Variants in LIFR observed in about 807,000 individuals in gnomAD.
LIFR encodes LIF receptor subunit alpha, also known as leukemia inhibitory factor receptor.
Under a neutral mutation model 122.2 loss-of-function variants are expected in LIFR, and 84 were observed. The observed-to-expected ratio is 0.69, with a 90% CI of 0.58 to 0.82. The LOEUF is 0.82. Among genes scored for constraint, LIFR ranks in the 40% least tolerant of loss-of-function variants. LIFR has a pLI of 0.00. For synonymous variants in LIFR, 422 were observed against 434.7 expected (o/e 0.97, Z 0.36); for missense variants, 1,294 against 1,311.6 (o/e 0.99, Z 0.21).
At chr5:38,571,072 G>C (rs1192924539) in intron 1 of LIFR, among the ~76,000 whole-genome samples, 1 of 152,202 alleles carries the variant, frequency 6.6e-6, no homozygotes, top group Non-Finnish European at 1.5e-5. Context: ...TAGAATCTGT[G>C]TGTCTCCTGA....
intron 1 of LIFR, among the ~76,000 whole-genome samples, chr5:38,542,161 C>G (rs560802842): frequency 6.6e-5 from 10 of 152,284 alleles, no homozygotes; most frequent in Admixed American, 3.9e-4. Flanking sequence ...CAATGTAAAT[C>G]TTACTCTAGT....
chr5:38,545,271 A>C (rs1388412852), intron 1 of LIFR, among the ~76,000 whole-genome samples: 1 of 149,714 alleles, frequency 6.7e-6, no homozygotes. Flanking sequence ...CTCCGTCTCA[A>C]AAAAAAAAAA....
chr5:38,514,321 A>G (rs1745962275), intron 5 of LIFR, among the ~76,000 whole-genome samples: 1 of 152,152 alleles, frequency 6.6e-6, no homozygotes, highest in Non-Finnish European at 1.5e-5. Context: ...AGTGTCCAGA[A>G]GAACAGATAA....
chr5:38,565,516 A>C (rs894367544), intron 1 of LIFR, among the ~76,000 whole-genome samples: 1 of 151,984 alleles, frequency 6.6e-6, no homozygotes, highest in Non-Finnish European at 1.5e-5. Flanking sequence ...TGTCCACAAA[A>C]CATATGAAAT....
chr5:38,502,629 T>C lies in LIFR; in HGVS notation c.1600+8A>G. 6.2e-7 allele frequency: 1 copy of C among 1,606,392 alleles called. No individual in the cohort carries two copies. Among genetic ancestry groups the C allele is most frequent in the Non-Finnish European group, 8.5e-7 (1 of 1,173,724 alleles). On this transcript the variant is annotated splice_region_variant and intron_variant, in intron 11 of 19. Coordinates refer to ENST00000453190, the MANE Select transcript of LIFR (RefSeq NM_001127671.2). ...AATTATTAGCCATACATCACTTAGT[T>C]AACTTACTGGCTTCTGTTGTTAAAT... is the stretch of plus-strand genomic sequence containing the variant.
At chr5:38,571,449 A>G (rs544539537) in intron 1 of LIFR, among the ~76,000 whole-genome samples, 1 of 148,770 alleles carries the variant, frequency 6.7e-6, no homozygotes, top group South Asian at 2.2e-4. Context: ...CAGCTACTTA[A>G]GAGGCTGGGG....
intron 1 of LIFR, among the ~76,000 whole-genome samples, chr5:38,549,758 G>A (rs750928962): frequency 6.6e-6 from 1 of 152,186 alleles, no homozygotes; most frequent in African/African-American, 2.4e-5. Flanking sequence ...GCCACTGCAC[G>A]CCAGCCAGGG....
At position 38,481,821 on chromosome 5, in the gene LIFR, T is replaced by A; in HGVS notation, c.3068A>T (p.Asp1023Val). 1.2e-6 allele frequency: 2 copies of A among 1,614,186 alleles called. No individual in the cohort carries two copies. The highest frequency in any genetic ancestry group is 1.7e-6 in the Non-Finnish European group (2 of 1,180,034). Residue 1023 changes from aspartate to valine, a missense_variant, in exon 20 of 20, where the codon GAT (aspartate) becomes GTT (valine). By Grantham distance (152) the Asp-to-Val change is radical. Transcript: ENST00000453190. ...CTGAGGTCTGTAACCCGCAGTTTTA[T>A]CTAAGTCCTCTTCTGCAGCTATATC... ...VEDIAAEEDL[D>V]KTAGYRPQAN...
intron 16 of LIFR, among the ~76,000 whole-genome samples, chr5:38,487,620 TA>T (rs1346925253): frequency 1.3e-5 from 2 of 152,216 alleles, no homozygotes; most frequent in Non-Finnish European, 2.9e-5. Flanking sequence ...TATACTGTAA[TA>T]AAAATTACGT....
At chr5:38,576,097 G>A (rs1173120198) in intron 1 of LIFR, among the ~76,000 whole-genome samples, 6 of 152,128 alleles carry the variant, frequency 3.9e-5, no homozygotes, top group African/African-American at 1.2e-4. Context: ...AATCAGCCAC[G>A]TGGCCTGGTT....
chr5:38,579,194 G>A (rs753677441), intron 1 of LIFR: 1 of 152,160 alleles, frequency 6.6e-6, no homozygotes, highest in African/African-American at 2.4e-5. Context: ...GACATAGCTG[G>A]TCTTGTAGCA....
At chr5:38,498,835 ACACTT>A (rs1318831063) in intron 12 of LIFR, among the ~76,000 whole-genome samples, 12 of 152,214 alleles carry the variant, frequency 7.9e-5, no homozygotes, top group African/African-American at 2.9e-4. Flanking sequence ...ACCTGCATGT[ACACTT>A]CACTTTACTC....
intron 1 of LIFR, among the ~76,000 whole-genome samples, chr5:38,552,360 A>T (rs980489732): frequency 2.0e-5 from 3 of 152,216 alleles, no homozygotes; most frequent in Non-Finnish European, 4.4e-5. Context: ...AATATTTAGA[A>T]TGACAGATTA....
chr5:38,556,696 G>A (rs1407675797), upstream of LIFR: 2 of 145,234 alleles, frequency 1.4e-5, no homozygotes, highest in Non-Finnish European at 3.1e-5. Context: ...GGGCGCAGCG[G>A]GCCCGGCCCC....
At chr5:38,585,105 CT>C (rs1749705229) in intron 1 of LIFR, among the ~76,000 whole-genome samples, 1 of 152,084 alleles carries the variant, frequency 6.6e-6, no homozygotes, top group African/African-American at 2.4e-5. Flanking sequence ...TTTTTATTAT[CT>C]TTGTAATAGA....
chr5:38,496,486 G>A lies in LIFR; in HGVS notation c.1781C>T (p.Ala594Val). The A allele has an allele frequency of 6.2e-7, 1 of 1,613,890 alleles. No individual in the cohort carries two copies. Among genetic ancestry groups the A allele is most frequent in the Non-Finnish European group, 8.5e-7 (1 of 1,179,738 alleles). The change falls in exon 13 of 20, where the codon GCA becomes GTA. Residue 594 changes from alanine (A) to valine (V), a missense_variant. Coordinates refer to ENST00000453190, the MANE Select transcript of LIFR (RefSeq NM_001127671.2). ...LSEIPDPQHK[A>V]EIRLDKNDYI... ...GTCATTCTTATCAAGTCGTATCTCT[G>A]CTTTGTGCTGAGGATCAGGGATTTC... is the stretch of plus-strand genomic sequence containing the variant.
rs572954936 is a variant in LIFR, at chr5:38,517,856, C to CAAAAAAAAAAAAAAAAA, written c.561+5546_561+5562dup. On this transcript the variant is annotated intron_variant, in intron 5 of 19. Transcript: ENST00000453190. ...TGTGCAACAGAGCAAGACACTGTCT[C>CAAAAAAAAAAAAAAAAA]AAAAAAAAAAAAAAAAAAAAAAAAA... Among the ~76,000 whole-genome samples the CAAAAAAAAAAAAAAAAA allele has an allele frequency of 4.5e-3, 67 of 15,038 alleles. 4 individuals are homozygous for CAAAAAAAAAAAAAAAAA. Among genetic ancestry groups the CAAAAAAAAAAAAAAAAA allele is most frequent in the East Asian group, 0.015 (3 of 196 alleles). The allele number at this position is 15,038 out of a possible 152,430, so 9.9% of individuals were successfully genotyped here. A position where few individuals can be genotyped will look rare whatever the true frequency, so the allele number is the denominator to read the frequency against.
intron 1 of LIFR, among the ~76,000 whole-genome samples, chr5:38,586,870 T>G (rs1239341156): frequency 3.9e-5 from 6 of 152,208 alleles, no homozygotes; most frequent in Non-Finnish European, 8.8e-5. Flanking sequence ...AATGGCAGCT[T>G]GCATATCTTC....
At chr5:38,605,134 AC>A (rs1254417083) in intron 2 of LIFR, among the ~76,000 whole-genome samples, 1 of 152,106 alleles carries the variant, frequency 6.6e-6, no homozygotes, top group East Asian at 1.9e-4. Context: ...TGATACTAAT[AC>A]TGGAGGGGTA....
Sources: gnomAD v4.1 joint callset for allele counts (sites outside exome capture counted in the v4.1 genomes callset) on GRCh38, gnomAD v4.1.1 for gene constraint, MANE v1.5 for transcripts, NCBI Gene and HGNC (gene_info 2026-07-23, HGNC 2026-07-21) for gene names.